The following TEX11 variants were observed in gnomAD, a reference collection of about 807,000 sequenced individuals.
TEX11 encodes testis expressed 11.
TEX11 carries 7 observed loss-of-function variants against 84.4 expected under a neutral mutation model. The ratio of observed to expected loss-of-function variants is 0.08; its 90% confidence interval spans 0.05 to 0.16. The LOEUF (loss-of-function observed/expected upper bound fraction) is 0.16, where lower values mean the gene tolerates loss of function less well. Ranked by LOEUF, TEX11 falls within the 10% of genes least tolerant of loss-of-function variation. TEX11 has a pLI of 1.00. For synonymous variants in TEX11, 264 were observed against 222.8 expected (o/e 1.18, Z -1.64); for missense variants, 551 against 660.5 (o/e 0.83, Z 1.82).
intron 25 of TEX11, among the ~76,000 whole-genome samples, chrX:70,572,871 G>T (rs189915968): frequency 1.3e-5 from 1 of 76,681 alleles, no homozygotes; most frequent in East Asian, 5.3e-4. Context: ...GGAGGGGGGA[G>T]GGATGACATT....
chrX:70,750,585 G>A (rs1296724521), intron 9 of TEX11, among the ~76,000 whole-genome samples: 3 of 106,706 alleles, frequency 2.8e-5, no homozygotes, highest in African/African-American at 3.4e-5. Flanking sequence ...GGAATACTAT[G>A]CAGCCATAAA....
intron 13 of TEX11, among the ~76,000 whole-genome samples, chrX:70,704,381 G>T (rs752373601): frequency 9.0e-6 from 1 of 111,377 alleles, no homozygotes; most frequent in African/African-American, 3.3e-5. Context: ...CTACCTCACA[G>T]TGTATTTGTG....
intron 11 of TEX11, among the ~76,000 whole-genome samples, chrX:70,730,861 C>A (rs1403599280): frequency 8.9e-6 from 1 of 111,920 alleles, no homozygotes; most frequent in Non-Finnish European, 1.9e-5. Context: ...TTCTTTTCTG[C>A]ACCACACCAC....
chrX:70,750,927 AAAAAAAATATATAT>A (rs1216837752), intron 9 of TEX11, among the ~76,000 whole-genome samples: 2 of 25,799 alleles, frequency 7.8e-5, no homozygotes, highest in African/African-American at 9.5e-5. Flanking sequence ...ATAATAAAAA[AAAAAAAATATATAT>A]ATATATATAT....
In TEX11 at chrX:70,744,234, G is replaced by A. The variant is rs57220914; in HGVS notation, c.693-15C>T. On this transcript the variant is annotated splice_polypyrimidine_tract_variant and intron_variant, in intron 9 of 29. Transcript: ENST00000374333. ...CATAGCTTTGGCTATCATTAAAAAG[G>A]AAAAAAAATATATATATATATATAA... The A allele has an allele frequency of 9.1e-6, 6 of 662,736 alleles. No individual in the cohort carries two copies. Among genetic ancestry groups the A allele is most frequent in the South Asian group, 6.2e-5 (1 of 16,170 alleles). The allele number at this position is 662,736 out of a possible 1,213,427, so 54.6% of individuals were successfully genotyped here.
chrX:70,815,012 A>G (rs375779735), intron 8 of TEX11, among the ~76,000 whole-genome samples: 2 of 111,960 alleles, frequency 1.8e-5, no homozygotes, highest in East Asian at 5.6e-4. Context: ...CCCTAAATTG[A>G]GGACTAGGAA....
At chrX:70,519,950 T>C in the TEX11 span, among the ~76,000 whole-genome samples, 2 of 112,003 alleles carry the variant, frequency 1.8e-5, no homozygotes, top group Non-Finnish European at 3.8e-5. Context: ...TCTCATGCCA[T>C]GGTTTTAAGC....
At chrX:70,702,295 A>G (rs947649408) in intron 13 of TEX11, among the ~76,000 whole-genome samples, 1 of 112,009 alleles carries the variant, frequency 8.9e-6, no homozygotes, top group Non-Finnish European at 1.9e-5. Context: ...TCCGCAGCCA[A>G]CAACATCAAG....
At chrX:70,712,403 T>C (rs2090445682) in intron 13 of TEX11, among the ~76,000 whole-genome samples, 1 of 111,716 alleles carries the variant, frequency 9.0e-6, no homozygotes. Flanking sequence ...TTCATGATAT[T>C]GATTCTTCCT....
At chrX:70,553,490 G>T in intron 26 of TEX11, 76 bp from the exon 27 acceptor site, 1 of 631,556 alleles carries the variant, frequency 1.6e-6, no homozygotes, top group Non-Finnish European at 2.4e-6. Flanking sequence ...GCTACCACTT[G>T]CTTTCTCTAA....
At chrX:70,617,233 T>C (rs2147539396) in intron 20 of TEX11, among the ~76,000 whole-genome samples, 1 of 109,060 alleles carries the variant, frequency 9.2e-6, no homozygotes, top group South Asian at 3.9e-4. Context: ...GTAGATTTCC[T>C]TGTAAGAAAT....
intron 9 of TEX11, among the ~76,000 whole-genome samples, chrX:70,805,917 T>C (rs746879194): frequency 8.9e-6 from 1 of 111,890 alleles, no homozygotes; most frequent in Non-Finnish European, 1.9e-5. Context: ...AGCACAACAC[T>C]CCAAATCTTA....
chrX:70,833,934 C>T (rs193001861), intron 7 of TEX11, among the ~76,000 whole-genome samples: 43 of 111,553 alleles, frequency 3.9e-4, no homozygotes, highest in African/African-American at 1.4e-3. Flanking sequence ...TTCACTTCTA[C>T]ATTAGAGGAA....
chrX:70,818,161 C>A (rs1247786596), intron 8 of TEX11, among the ~76,000 whole-genome samples: 4 of 110,420 alleles, frequency 3.6e-5, no homozygotes, highest in South Asian at 3.9e-4. Flanking sequence ...TGGTGACGCG[C>A]GCCTGGAATC....
At chrX:70,867,219 T>G (rs1300545346) in intron 4 of TEX11, among the ~76,000 whole-genome samples, 2 of 111,035 alleles carry the variant, frequency 1.8e-5, no homozygotes, top group African/African-American at 6.5e-5. Context: ...AGCATTCCCA[T>G]ACACCAATAA....
At chrX:70,656,731 A>G (rs922197019) in intron 16 of TEX11, among the ~76,000 whole-genome samples, 4 of 112,356 alleles carry the variant, frequency 3.6e-5, no homozygotes, top group African/African-American at 1.3e-4. Context: ...GGAGGACCCC[A>G]AAATTGGCTT....
At chrX:70,677,810 CTTTTT>C (rs35653618) in intron 15 of TEX11, among the ~76,000 whole-genome samples, 7 of 63,580 alleles carry the variant, frequency 1.1e-4, no homozygotes, top group Admixed American at 2.2e-4. Context: ...CTTTTCTTTC[CTTTTT>C]TTTTTTTTTT....
chrX:70,840,094 G>A (rs2091433037), intron 7 of TEX11, among the ~76,000 whole-genome samples: 1 of 111,525 alleles, frequency 9.0e-6, no homozygotes, highest in Non-Finnish European at 1.9e-5. Flanking sequence ...ATCTACCAAG[G>A]CAGGCCAACA....
intron 11 of TEX11, among the ~76,000 whole-genome samples, chrX:70,730,873 C>T (rs1440959941): frequency 8.9e-6 from 1 of 111,905 alleles, no homozygotes; most frequent in Non-Finnish European, 1.9e-5. Context: ...CCACACCACA[C>T]CTATTCCAAA....
Sources: gnomAD v4.1 joint callset for allele counts (sites outside exome capture counted in the v4.1 genomes callset) on GRCh38, gnomAD v4.1.1 for gene constraint, MANE v1.5 for transcripts, NCBI Gene and HGNC (gene_info 2026-07-23, HGNC 2026-07-21) for gene names.